The following ARHGEF33 variants were observed in gnomAD, a reference collection of about 807,000 sequenced individuals.
The protein encoded by ARHGEF33 is Rho guanine nucleotide exchange factor 33, also known as DH and coiled-coil domain-containing protein ENSP00000381780.
ARHGEF33 carries 72 observed loss-of-function variants against 101.9 expected under a neutral mutation model. That is an observed-to-expected ratio of 0.71 (90% CI 0.58 to 0.86). The LOEUF (loss-of-function observed/expected upper bound fraction) is 0.86, where lower values mean the gene tolerates loss of function less well. Among genes scored for constraint, ARHGEF33 ranks in the 40% least tolerant of loss-of-function variants. The pLI, the probability that ARHGEF33 is intolerant of heterozygous loss-of-function variation, is 0.00. For missense variants in ARHGEF33, 1,169 were observed against 1,111.3 expected, an observed-to-expected ratio of 1.05 and a Z score of -0.74; for synonymous variants, 499 against 442.5, an observed-to-expected ratio of 1.13 and a Z score of -1.60.
At chr2:38,957,638 G>A (rs746322843) in intron 14 of ARHGEF33, among the ~76,000 whole-genome samples, 1 of 152,122 alleles carries the variant, frequency 6.6e-6, no homozygotes, top group Non-Finnish European at 1.5e-5. Flanking sequence ...TCTGAGCTTC[G>A]GAGGGAACAG....
chr2:38,953,158 A>G lies in ARHGEF33; in HGVS notation c.1054-4A>G. On this transcript the variant is annotated splice_region_variant and splice_polypyrimidine_tract_variant and intron_variant, in intron 11 of 17. Coordinates refer to ENST00000409978, the MANE Select transcript of ARHGEF33 (RefSeq NM_001145451.5). ...TACCATGCATTTTTGTGTTTGTTTT[A>G]AAGAATAATTTCTTGGATTATTATG... 6.9e-7 allele frequency: 1 copy of G among 1,439,140 alleles called. No homozygotes were observed. The highest frequency in any genetic ancestry group is 2.5e-5 in the East Asian group (1 of 40,418). The allele number at this position is 1,439,140 out of a possible 1,614,324, so 89.1% of individuals were successfully genotyped here.
At chr2:38,896,960 G>T (rs530593846) in intron 2 of ARHGEF33, among the ~76,000 whole-genome samples, 4 of 152,130 alleles carry the variant, frequency 2.6e-5, no homozygotes, top group African/African-American at 9.6e-5. Flanking sequence ...CTGTCACCCA[G>T]GCTGGAGTGC....
At chr2:38,927,550 G>C (rs1666902225) in intron 4 of ARHGEF33, among the ~76,000 whole-genome samples, 1 of 152,178 alleles carries the variant, frequency 6.6e-6, no homozygotes, top group African/African-American at 2.4e-5. Flanking sequence ...ACAAAAATTA[G>C]CTGGATGTGG....
In ARHGEF33 at chr2:38,931,162, G is replaced by C; in HGVS notation, c.416G>C (p.Gly139Ala). ...SSQAGPAQAQ[G>A]SPFRSINIPE... Reference sequence around the variant, plus strand: ...CAGGCCGGGCCTGCCCAAGCACAAGGAAGTCCTTTTCGTTCTATCAATATC... The same window carrying C: ...CAGGCCGGGCCTGCCCAAGCACAAGCAAGTCCTTTTCGTTCTATCAATATC... Residue 139 changes from glycine to alanine, a missense_variant, in exon 7 of 18, where the codon GGA (glycine) becomes GCA (alanine). Transcript: ENST00000409978. 6.4e-7 allele frequency: 1 copy of C among 1,551,558 alleles called. No individual in the cohort carries two copies. The highest frequency in any genetic ancestry group is 1.2e-5 in the South Asian group (1 of 84,050).
chr2:38,963,523 A>G (rs1020627940), intron 16 of ARHGEF33, among the ~76,000 whole-genome samples: 1 of 152,184 alleles, frequency 6.6e-6, no homozygotes, highest in African/African-American at 2.4e-5. Flanking sequence ...AAATAAAACA[A>G]CCTATCTCAC....
chr2:38,933,570 G>T (rs572168732), intron 7 of ARHGEF33, among the ~76,000 whole-genome samples: 16 of 152,068 alleles, frequency 1.1e-4, no homozygotes, highest in Non-Finnish European at 1.8e-4. Flanking sequence ...TTTTAGTAGA[G>T]ACACGGTTTT....
At position 38,919,267 on chromosome 2, in the gene ARHGEF33, CT is replaced by C. The variant is rs1666704476; in HGVS notation, c.-85-95del. ...CTTCTGAAATTGCATGTACCTCAAG[CT>C]GTGTTCATTTCAATTTTTTTACTAA... On this transcript the variant is annotated intron_variant, in intron 2 of 17. Transcript: ENST00000409978. The C allele has an allele frequency of 8.4e-6, 5 of 591,822 alleles. No individual in the cohort carries two copies. The South Asian group carries it at 1.2e-4, about 14-fold the overall frequency. The allele number at this position is 591,822 out of a possible 1,614,324, so 36.7% of individuals were successfully genotyped here. A position where few individuals can be genotyped will look rare whatever the true frequency, so the allele number is the denominator to read the frequency against.
chr2:38,924,587 A>C (rs1475333245), intron 4 of ARHGEF33, among the ~76,000 whole-genome samples: 1 of 152,194 alleles, frequency 6.6e-6, no homozygotes, highest in Non-Finnish European at 1.5e-5. Context: ...AGGAATGTAA[A>C]CAGTGTGGCT....
At position 38,915,724 on chromosome 2, in the gene ARHGEF33, C is replaced by T. The variant is rs561507137; in HGVS notation, c.-85-3639C>T. Among the ~76,000 whole-genome samples the T allele has an allele frequency of 2.1e-4, 32 of 152,190 alleles. 1 individual carries two copies. The Middle Eastern group carries it at 0.01, about 49-fold the overall frequency. Reference sequence around the variant, plus strand: ...TTTACTAAATAAAATTTCTAACTTACTATCCATCACACGTGTTTATTATGT... The same window carrying T: ...TTTACTAAATAAAATTTCTAACTTATTATCCATCACACGTGTTTATTATGT... On this transcript the variant is annotated intron_variant, in intron 2 of 17. Transcript: ENST00000409978.
At chr2:38,950,103 C>T (rs950239816) in intron 10 of ARHGEF33, among the ~76,000 whole-genome samples, 1 of 152,152 alleles carries the variant, frequency 6.6e-6, no homozygotes, top group Admixed American at 6.5e-5. Flanking sequence ...GTATTAATAG[C>T]CTACCCAGAC....
intron 11 of ARHGEF33, among the ~76,000 whole-genome samples, chr2:38,951,537 CAGG>C (rs1349851648): frequency 6.6e-6 from 1 of 151,746 alleles, no homozygotes; most frequent in Non-Finnish European, 1.5e-5. Context: ...GAGGCTGAAG[CAGG>C]AGAATTGTTT....
chr2:38,929,413 G>A (rs879936915), intron 5 of ARHGEF33, among the ~76,000 whole-genome samples: 24 of 151,848 alleles, frequency 1.6e-4, no homozygotes, highest in Non-Finnish European at 2.4e-4. Flanking sequence ...GGGCGACAGA[G>A]CAAGACTCTG....
At chr2:38,967,873 C>T (rs971745838) in intron 17 of ARHGEF33, among the ~76,000 whole-genome samples, 1 of 151,414 alleles carries the variant, frequency 6.6e-6, no homozygotes, top group Non-Finnish European at 1.5e-5. Flanking sequence ...AGCCACCGCA[C>T]CCGGCCAGAC....
rs180865932 is a variant in ARHGEF33 at position 38,919,130 on chromosome 2, A to G, written c.-85-233A>G. On this transcript the variant is annotated intron_variant, in intron 2 of 17. Coordinates refer to ENST00000409978, the MANE Select transcript of ARHGEF33 (RefSeq NM_001145451.5). ...ATCTTAATTAATGGATTTGATCCAAATAAGAATGTAGCATTTTGAAAAACT... is the reference window on the plus strand; with the variant it reads ...ATCTTAATTAATGGATTTGATCCAAGTAAGAATGTAGCATTTTGAAAAACT... Among the ~76,000 whole-genome samples the G allele has an allele frequency of 5.3e-5, 8 of 152,370 alleles. No individual in the cohort carries two copies. The East Asian group carries it at 1.3e-3, about 26-fold the overall frequency.
intron 2 of ARHGEF33, among the ~76,000 whole-genome samples, chr2:38,901,092 AAC>A (rs369094977): frequency 6.6e-6 from 1 of 151,664 alleles, no homozygotes; most frequent in East Asian, 1.9e-4. Context: ...TCTCACCCCA[AAC>A]ACACACACAC....
intron 2 of ARHGEF33, among the ~76,000 whole-genome samples, chr2:38,901,285 T>A (rs1411782683): frequency 6.6e-6 from 1 of 152,210 alleles, no homozygotes; most frequent in African/African-American, 2.4e-5. Context: ...TTTCTGGGGA[T>A]GTTTTAGCAC....
intron 2 of ARHGEF33, among the ~76,000 whole-genome samples, chr2:38,908,203 G>A (rs1572742277): frequency 2.6e-5 from 4 of 151,988 alleles, no homozygotes; most frequent in African/African-American, 9.7e-5. Flanking sequence ...ATGAATCCAG[G>A]GAGAGAATCT....
In ARHGEF33 at chr2:38,951,052, G is replaced by A. The variant is rs1667588921; in HGVS notation, c.984G>A (p.Gln328=). 6.4e-7 allele frequency: 1 copy of A among 1,552,174 alleles called. No homozygotes were observed. The highest frequency in any genetic ancestry group is 1.4e-5 in the African/African-American group (1 of 73,188). The change falls in exon 11 of 18, where the codon CAG becomes CAA. Residue 328 remains glutamine, a synonymous_variant. Transcript: ENST00000409978. ...QQHLDLLHAL[Q]ERVLKWPRQG... ...ACCTGGATCTGCTTCACGCACTGCA[G>A]GAAAGGGTCCTGAAGTGGCCACGCC...
intron 6 of ARHGEF33, 24 bp downstream of exon 6, chr2:38,929,854 C>A: frequency 6.5e-7 from 1 of 1,548,398 alleles, no homozygotes; most frequent in South Asian, 1.2e-5. Context: ...AAAAATGTAC[C>A]AAAGGCAAAC....
Sources: allele counts gnomAD v4.1 joint callset (sites outside exome capture counted in the v4.1 genomes callset), GRCh38; gene constraint gnomAD v4.1.1; transcripts MANE v1.5; gene names NCBI Gene and HGNC (gene_info 2026-07-23, HGNC 2026-07-21).